Variants in GRIK2 observed in about 807,000 individuals in gnomAD.
GRIK2 encodes glutamate receptor ionotropic, kainate 2.
GRIK2 carries 32 observed loss-of-function variants against 100.3 expected under a neutral mutation model. That is an observed-to-expected ratio of 0.32 (90% CI 0.24 to 0.43). The LOEUF (loss-of-function observed/expected upper bound fraction) is 0.43. Ranked by LOEUF, GRIK2 falls within the 20% of genes least tolerant of loss-of-function variation. GRIK2 has a pLI of 1.00. For missense variants in GRIK2, 843 were observed against 1,114.9 expected (o/e 0.76, Z 3.47); for synonymous variants, 417 against 389.4 (o/e 1.07, Z -0.83).
intron 1 of GRIK2, among the ~76,000 whole-genome samples, chr6:101,395,450 A>G (rs1465551225): frequency 6.6e-6 from 1 of 152,186 alleles, no homozygotes; most frequent in Middle Eastern, 3.2e-3. Flanking sequence ...GTTCTGGGGT[A>G]TGTATTTGCT....
chr6:101,527,366 CAAAA>C (rs933619880), intron 2 of GRIK2, among the ~76,000 whole-genome samples: 5 of 151,964 alleles, frequency 3.3e-5, no homozygotes, highest in African/African-American at 1.2e-4. Context: ...CCTTCAGAAA[CAAAA>C]GAAAGGAGGT....
chr6:101,889,618 T>TTG, intron 11 of GRIK2, 22 bp from the exon 12 acceptor site: 5 of 1,058,958 alleles, frequency 4.7e-6, no homozygotes, highest in Admixed American at 2.6e-5. Context: ...TTTTTTTTTT[T>TTG]TTTGTTTGTT....
At chr6:101,516,107 C>T (rs1774571072) in intron 2 of GRIK2, among the ~76,000 whole-genome samples, 1 of 151,974 alleles carries the variant, frequency 6.6e-6, no homozygotes, top group Non-Finnish European at 1.5e-5. Flanking sequence ...CAAATGGAAA[C>T]ACATCCCATG....
In GRIK2 at chr6:102,068,772, G is replaced by T. The variant is rs527973153; in HGVS notation, c.*261G>T. 1.1e-5 allele frequency: 3 copies of T among 270,012 alleles called. No individual in the cohort carries two copies. The highest frequency in any genetic ancestry group is 2.2e-5 in the African/African-American group (1 of 45,228). 16.7% of individuals were successfully genotyped at this position (270,012 alleles called of 1,614,324 possible). On this transcript the variant is annotated 3_prime_UTR_variant, in exon 17 of 17. Transcript: ENST00000369134. ...TTCTTCTGAGTGAATGTTAACATGC[G>T]CATTTTGTGGCTGATTTCAAATGCA...
chr6:101,564,990 C>G (rs149042279), intron 2 of GRIK2, among the ~76,000 whole-genome samples: 15 of 151,924 alleles, frequency 9.9e-5, no homozygotes, highest in African/African-American at 3.6e-4. Context: ...CAAAATGTTA[C>G]AAAAAAATAT....
In GRIK2 at chr6:101,779,040, T is replaced by C. The variant is rs540101815; in HGVS notation, c.952-20608T>C. ...TAATTATATATATAAGATCAAAATA[T>C]TAATGTCAATTTTTATTTGAAACTT... On this transcript the variant is annotated intron_variant, in intron 7 of 16. Coordinates refer to ENST00000369134, the MANE Select transcript of GRIK2 (RefSeq NM_021956.5). Among the ~76,000 whole-genome samples the C allele has an allele frequency of 2.0e-5, 3 of 152,228 alleles. No homozygotes were observed. In the South Asian group the frequency reaches 6.2e-4, roughly 32 times the overall value.
intron 14 of GRIK2, among the ~76,000 whole-genome samples, chr6:101,933,601 C>T (rs577013396): frequency 2.0e-5 from 3 of 152,004 alleles, no homozygotes; most frequent in African/African-American, 7.2e-5. Context: ...TGATTATTAT[C>T]TGCTATGTGT....
At chr6:101,505,493 A>C (rs1348943721) in intron 2 of GRIK2, among the ~76,000 whole-genome samples, 1 of 152,148 alleles carries the variant, frequency 6.6e-6, no homozygotes, top group East Asian at 1.9e-4. Context: ...TAAACTAAAA[A>C]TATGATTGGT....
At chr6:102,042,949 A>T (rs996258094) in intron 15 of GRIK2, among the ~76,000 whole-genome samples, 16 of 151,820 alleles carry the variant, frequency 1.1e-4, no homozygotes, top group Non-Finnish European at 2.2e-4. Context: ...ACAGGTTGAT[A>T]ACATTTTCTT....
chr6:101,778,275 G>T (rs922480913), intron 7 of GRIK2, among the ~76,000 whole-genome samples: 3 of 152,042 alleles, frequency 2.0e-5, no homozygotes, highest in African/African-American at 7.2e-5. Context: ...GATAGTTCTA[G>T]AATAAAATGA....
chr6:101,824,503 C>T (rs952742203), intron 10 of GRIK2, among the ~76,000 whole-genome samples: 1 of 152,136 alleles, frequency 6.6e-6, no homozygotes, highest in African/African-American at 2.4e-5. Flanking sequence ...ACATTTTTCA[C>T]TCCTGTCTGA....
chr6:101,775,284 C>T (rs1313682437), intron 7 of GRIK2, among the ~76,000 whole-genome samples: 1 of 152,046 alleles, frequency 6.6e-6, no homozygotes, highest in Non-Finnish European at 1.5e-5. Context: ...TATTCAAATT[C>T]ACAGGAACAC....
chr6:101,599,621 T>C (rs1242664276), intron 2 of GRIK2, among the ~76,000 whole-genome samples: 1 of 151,912 alleles, frequency 6.6e-6, no homozygotes, highest in Non-Finnish European at 1.5e-5. Context: ...TAAGATGGTA[T>C]CTCGTTGTGG....
chr6:101,637,662 G>C (rs1417525981), intron 4 of GRIK2, among the ~76,000 whole-genome samples: 1 of 152,122 alleles, frequency 6.6e-6, no homozygotes, highest in Non-Finnish European at 1.5e-5. Context: ...TCATTCCCAA[G>C]CTTAAAGCTG....
At chr6:101,474,013 G>GTTC (rs1244977776) in intron 2 of GRIK2, among the ~76,000 whole-genome samples, 1 of 151,702 alleles carries the variant, frequency 6.6e-6, no homozygotes, top group African/African-American at 2.4e-5. Context: ...TCATTACCTA[G>GTTC]TTCTTTTTAA....
intron 2 of GRIK2, among the ~76,000 whole-genome samples, chr6:101,584,373 C>T (rs1361053759): frequency 6.6e-6 from 1 of 151,940 alleles, no homozygotes. Context: ...AAAATCAATT[C>T]TCAGGTTTTC....
At chr6:101,494,534 TTAA>T (rs541956622) in intron 2 of GRIK2, among the ~76,000 whole-genome samples, 264 of 152,146 alleles carry the variant, frequency 1.7e-3, no homozygotes, top group African/African-American at 5.8e-3. Context: ...ATTTATAAAA[TTAA>T]TAAGAATTAG....
chr6:101,680,357 T>C (rs1285550240), intron 5 of GRIK2, among the ~76,000 whole-genome samples: 1 of 152,144 alleles, frequency 6.6e-6, no homozygotes, highest in Non-Finnish European at 1.5e-5. Flanking sequence ...AAAATTGTTC[T>C]ACAACTTTGA....
chr6:101,644,453 A>G (rs956392234), intron 4 of GRIK2, among the ~76,000 whole-genome samples: 2 of 151,798 alleles, frequency 1.3e-5, no homozygotes, highest in Admixed American at 1.3e-4. Flanking sequence ...AAAAGAGATC[A>G]TGAAGGGACT....
Sources: gnomAD v4.1 joint callset for allele counts (sites outside exome capture counted in the v4.1 genomes callset) on GRCh38, gnomAD v4.1.1 for gene constraint, MANE v1.5 for transcripts, NCBI Gene and HGNC (gene_info 2026-07-23, HGNC 2026-07-21) for gene names.